CDC73: variants seen among roughly 807,000 people sequenced by gnomAD.
CDC73 encodes cell division cycle 73, also known as parafibromin.
Under a neutral mutation model 83.7 loss-of-function variants are expected in CDC73, and 21 were observed. That is an observed-to-expected ratio of 0.25 (90% CI 0.18 to 0.36). CDC73 has a LOEUF of 0.36. Among genes scored for constraint, CDC73 ranks in the 10% least tolerant of loss-of-function variants. The pLI is 1.00. For missense variants in CDC73, 342 were observed against 653.3 expected (o/e 0.52, Z 5.19); for synonymous variants, 224 against 212.9 (o/e 1.05, Z -0.45).
intron 10 of CDC73, among the ~76,000 whole-genome samples, chr1:193,201,488 T>C (rs1217475121): frequency 1.3e-5 from 2 of 152,208 alleles, no homozygotes; most frequent in African/African-American, 2.4e-5. Context: ...CTAGTGGTTT[T>C]AACAGCTAGC....
At chr1:193,168,712 C>T (rs1192730581) in intron 10 of CDC73, among the ~76,000 whole-genome samples, 2 of 151,956 alleles carry the variant, frequency 1.3e-5, no homozygotes, top group Admixed American at 6.6e-5. Context: ...TTAGTAGAGA[C>T]GGGGTTTCAC....
chr1:193,163,151 TTGTG>T (rs57194967), intron 10 of CDC73, among the ~76,000 whole-genome samples: 15 of 39,874 alleles, frequency 3.8e-4, no homozygotes, highest in East Asian at 6.0e-4. Context: ...CTTTGTGGGG[TTGTG>T]TGTGTGTGTG....
At chr1:193,215,152 G>A (rs770922200) in intron 13 of CDC73, among the ~76,000 whole-genome samples, 6 of 152,238 alleles carry the variant, frequency 3.9e-5, no homozygotes, top group African/African-American at 7.2e-5. Context: ...TCTGAAGATA[G>A]GTTCAGAAAC....
chr1:193,169,791 TTTTA>T (rs1676489916), intron 10 of CDC73, among the ~76,000 whole-genome samples: 1 of 152,130 alleles, frequency 6.6e-6, no homozygotes, highest in African/African-American at 2.4e-5. Flanking sequence ...CCTTTTGTAA[TTTTA>T]TTTCTTTTTT....
intron 11 of CDC73, among the ~76,000 whole-genome samples, chr1:193,208,623 A>G (rs1239911626): frequency 6.6e-6 from 1 of 152,126 alleles, no homozygotes; most frequent in Non-Finnish European, 1.5e-5. Context: ...TGTGACATGA[A>G]AATAAAATCT....
chr1:193,150,409 C>G (rs1359039907), intron 9 of CDC73, 27 bp downstream of exon 9: 1 of 1,480,730 alleles, frequency 6.8e-7, no homozygotes, highest in African/African-American at 1.4e-5. Flanking sequence ...TTATCTTCCC[C>G]TTAGTGTGGT....
intron 13 of CDC73, among the ~76,000 whole-genome samples, chr1:193,230,141 T>C (rs61821976): frequency 1.1e-4 from 16 of 151,564 alleles, no homozygotes; most frequent in African/African-American, 3.9e-4. Context: ...GACATTCCCA[T>C]TCTTTTTTTT....
intron 15 of CDC73, among the ~76,000 whole-genome samples, chr1:193,244,261 A>G (rs562080889): frequency 5.6e-4 from 85 of 152,384 alleles, no homozygotes; most frequent in Non-Finnish European, 9.0e-4. Context: ...CCTAGATTAT[A>G]TCACCTGCCG....
chr1:193,243,104 C>G lies in CDC73; in HGVS notation c.1418-6626C>G, dbSNP rs550116027. Reference sequence around the variant, plus strand: ...GGGATTACAGGTGCACGCCACCATGCCTGGCTAATTTTTCTATTTGTAGTA... The same window carrying G: ...GGGATTACAGGTGCACGCCACCATGGCTGGCTAATTTTTCTATTTGTAGTA... On this transcript the variant is annotated intron_variant, in intron 15 of 16. Transcript: ENST00000367435. Among the ~76,000 whole-genome samples, 134 of 152,080 alleles carry G rather than the reference C, an allele frequency of 8.8e-4. 3 individuals carry two copies. The South Asian group carries it at 0.027, about 30-fold the overall frequency.
chr1:193,205,189 C>A (rs1677164675), intron 11 of CDC73, among the ~76,000 whole-genome samples: 1 of 136,852 alleles, frequency 7.3e-6, no homozygotes, highest in Non-Finnish European at 1.5e-5. Flanking sequence ...TAGGCTATAC[C>A]ACCTGTCCCC....
chr1:193,240,561 A>G (rs1389098122), intron 15 of CDC73, among the ~76,000 whole-genome samples: 3 of 152,170 alleles, frequency 2.0e-5, no homozygotes, highest in African/African-American at 7.2e-5. Flanking sequence ...TTGGGGTAAG[A>G]TGATATTTCA....
chr1:193,236,484 A>G (rs1374837639), intron 15 of CDC73, 128 bp downstream of exon 15: 1 of 691,194 alleles, frequency 1.4e-6, no homozygotes, highest in African/African-American at 1.8e-5. Context: ...ACATATGTTA[A>G]TGTTTAAGCA....
chr1:193,142,222 C>T lies in CDC73; in HGVS notation c.729+156C>T, dbSNP rs555139865. Among the ~76,000 whole-genome samples, 887 of 152,224 alleles carry T rather than the reference C, an allele frequency of 5.8e-3. 10 individuals are homozygous for T. Among genetic ancestry groups the T allele is most frequent in the African/African-American group, 0.02 (848 of 41,536 alleles). On this transcript the variant is annotated intron_variant, in intron 7 of 16. Transcript: ENST00000367435. The stretch of plus-strand genomic sequence containing the variant: ...AGTAATAATGTAGATTTCCAGATGG[C>T]CATTTTTACCATTCCATTCTTGAAT...
At chr1:193,204,271 G>GTA (rs1677146627) in intron 11 of CDC73, among the ~76,000 whole-genome samples, 1 of 132,812 alleles carries the variant, frequency 7.5e-6, no homozygotes, top group Non-Finnish European at 1.6e-5. Context: ...GTGTGTGTGT[G>GTA]TGTGTGTATA....
chr1:193,177,540 A>AG (rs1486273950), intron 10 of CDC73, among the ~76,000 whole-genome samples: 1 of 151,424 alleles, frequency 6.6e-6, no homozygotes, highest in Non-Finnish European at 1.5e-5. Flanking sequence ...AAAAAAAAAA[A>AG]AAAAAAAGAA....
At chr1:193,227,698 C>T (rs1677588863) in intron 13 of CDC73, among the ~76,000 whole-genome samples, 1 of 152,082 alleles carries the variant, frequency 6.6e-6, no homozygotes, top group Admixed American at 6.5e-5. Flanking sequence ...ATTTAAAGTT[C>T]TATAGGCTAG....
chr1:193,170,260 A>C (rs746711822), intron 10 of CDC73, among the ~76,000 whole-genome samples: 1 of 152,116 alleles, frequency 6.6e-6, no homozygotes, highest in African/African-American at 2.4e-5. Context: ...GAATATACGC[A>C]TGCATGTGTC....
intron 11 of CDC73, among the ~76,000 whole-genome samples, chr1:193,209,547 A>C (rs1282705221): frequency 2.0e-5 from 3 of 151,570 alleles, no homozygotes; most frequent in Non-Finnish European, 4.4e-5. Context: ...TGTCATACAA[A>C]CTCCTTATGT....
Position 193,253,350 on chromosome 1 carries a change from C to G in CDC73, c.*2638C>G, listed in dbSNP as rs564883182. On this transcript the variant is annotated 3_prime_UTR_variant, in exon 17 of 17. Transcript: ENST00000367435. ...GTTTAATTTGTTATTGAAAACAGTA[C>G]CAGTATTAAATGTGTTTCCTCTTCC... 4.3e-6 allele frequency: 1 copy of G among 232,302 alleles called. No individual in the cohort carries two copies. Among genetic ancestry groups the G allele is most frequent in the South Asian group, 1.8e-4 (1 of 5,518 alleles). 14.4% of individuals were successfully genotyped at this position (232,302 alleles called of 1,614,324 possible). A position where few individuals can be genotyped will look rare whatever the true frequency, so the allele number is the denominator to read the frequency against.
Sources: gnomAD v4.1 joint callset for allele counts (sites outside exome capture counted in the v4.1 genomes callset) on GRCh38, gnomAD v4.1.1 for gene constraint, MANE v1.5 for transcripts, NCBI Gene and HGNC (gene_info 2026-07-23, HGNC 2026-07-21) for gene names.